KDM4C: variants seen among roughly 807,000 people sequenced by gnomAD.
The protein encoded by KDM4C is lysine-specific demethylase 4C.
A neutral mutation model predicts 129.3 loss-of-function variants in KDM4C; 81 were observed. That is an observed-to-expected ratio of 0.63 (90% CI 0.52 to 0.75). KDM4C has a LOEUF of 0.75. Among genes scored for constraint, KDM4C ranks in the 30% least tolerant of loss-of-function variants. KDM4C has a pLI of 0.00. For synonymous variants in KDM4C, 573 were observed against 456.1 expected (o/e 1.26, Z -3.26); for missense variants, 1,457 against 1,304.0 (o/e 1.12, Z -1.81).
At chr9:6,947,529 A>G (rs1827196876) in intron 8 of KDM4C, among the ~76,000 whole-genome samples, 1 of 151,994 alleles carries the variant, frequency 6.6e-6, no homozygotes, top group South Asian at 2.1e-4. Flanking sequence ...TGTATATTAC[A>G]ATGTTATAGT....
At chr9:6,891,624 A>G (rs935495102) in intron 7 of KDM4C, among the ~76,000 whole-genome samples, 1 of 152,208 alleles carries the variant, frequency 6.6e-6, no homozygotes, top group Non-Finnish European at 1.5e-5. Flanking sequence ...AAAACCAACA[A>G]ATTGTACACT....
chr9:6,938,095 G>C (rs1825154970), intron 8 of KDM4C, among the ~76,000 whole-genome samples: 1 of 152,218 alleles, frequency 6.6e-6, no homozygotes, highest in South Asian at 2.1e-4. Flanking sequence ...AAATGGGACA[G>C]AATAATTTAG....
chr9:6,752,840 A>ATTTT (rs2130311162), upstream of KDM4C, among the ~76,000 whole-genome samples: 1 of 152,310 alleles, frequency 6.6e-6, no homozygotes, highest in East Asian at 1.9e-4. Context: ...TAGCAATAAA[A>ATTTT]TATCTGTGTT....
chr9:6,963,645 T>A (rs1173912476), intron 8 of KDM4C, among the ~76,000 whole-genome samples: 1 of 152,208 alleles, frequency 6.6e-6, no homozygotes, highest in Admixed American at 6.5e-5. Context: ...GACATCTGAG[T>A]TGATACTGAT....
chr9:7,060,569 C>T (rs1000856014), intron 17 of KDM4C, among the ~76,000 whole-genome samples: 2 of 151,592 alleles, frequency 1.3e-5, no homozygotes, highest in African/African-American at 4.8e-5. Flanking sequence ...GCAACCTCCG[C>T]GTCCCGGGTT....
chr9:6,773,302 A>T (rs1244843049), intron 1 of KDM4C, among the ~76,000 whole-genome samples: 1 of 152,214 alleles, frequency 6.6e-6, no homozygotes, highest in Non-Finnish European at 1.5e-5. Context: ...CACAATGTGC[A>T]AATGCTACCA....
intron 15 of KDM4C, among the ~76,000 whole-genome samples, chr9:7,028,176 A>T (rs1162729365): frequency 6.6e-6 from 1 of 151,936 alleles, no homozygotes; most frequent in East Asian, 1.9e-4. Context: ...TGTGGCCACC[A>T]TTACCTAGGA....
At chr9:6,880,794 C>A (rs1187322516) in intron 6 of KDM4C, among the ~76,000 whole-genome samples, 1 of 152,066 alleles carries the variant, frequency 6.6e-6, no homozygotes, top group African/African-American at 2.4e-5. Context: ...CTCCTTCCTC[C>A]TTTTTTTTAA....
intron 20 of KDM4C, among the ~76,000 whole-genome samples, chr9:7,169,502 A>G (rs1480495637): frequency 1.3e-5 from 2 of 151,516 alleles, no homozygotes; most frequent in Admixed American, 6.6e-5. Flanking sequence ...TGCCTGGCTA[A>G]TTTTTGTATT....
intron 12 of KDM4C, among the ~76,000 whole-genome samples, chr9:7,003,522 T>C (rs565294997): frequency 6.6e-6 from 1 of 152,152 alleles, no homozygotes; most frequent in South Asian, 2.1e-4. Flanking sequence ...TTGGAATGTA[T>C]CCTTCTGAAA....
At chr9:7,099,024 C>T (rs1208925042) in intron 17 of KDM4C, among the ~76,000 whole-genome samples, 1 of 152,198 alleles carries the variant, frequency 6.6e-6, no homozygotes, top group Admixed American at 6.5e-5. Context: ...ACATTGTTCC[C>T]TGTTTGAGCT....
intron 15 of KDM4C, 58 bp from the exon 16 acceptor site, chr9:7,046,804 G>C: frequency 9.1e-7 from 1 of 1,097,594 alleles, no homozygotes; most frequent in Non-Finnish European, 1.4e-6. Context: ...TTAGATGAAT[G>C]GTAATGACTT....
chr9:7,019,447 A>T (rs1218140506), intron 15 of KDM4C, among the ~76,000 whole-genome samples: 3 of 114,250 alleles, frequency 2.6e-5, no homozygotes, highest in South Asian at 3.5e-4. Flanking sequence ...AATTCCCTGG[A>T]ATTTTTTTTT....
chr9:7,022,937 GATGTATCACA>G (rs1825138046), intron 15 of KDM4C, among the ~76,000 whole-genome samples: 2 of 152,086 alleles, frequency 1.3e-5, no homozygotes, highest in African/African-American at 4.8e-5. Context: ...CTAATGATAT[GATGTATCACA>G]TTGATTGATT....
Position 6,918,693 on chromosome 9 carries a change from T to C in KDM4C, c.921+25461T>C, listed in dbSNP as rs569130410. Among the ~76,000 whole-genome samples, 280 of 152,296 alleles carry C rather than the reference T, an allele frequency of 1.8e-3. 1 individual carries two copies. The highest frequency in any genetic ancestry group is 3.1e-3 in the Non-Finnish European group (213 of 68,018). ...TCACTAGCATGTATTATTTTTTGAC[T>C]TTTTAGTAATAATAGGAATTCTGAC... On this transcript the variant is annotated intron_variant, in intron 8 of 21. Coordinates refer to ENST00000381309, the MANE Select transcript of KDM4C (RefSeq NM_015061.6).
intron 5 of KDM4C, among the ~76,000 whole-genome samples, chr9:6,865,163 C>T (rs1327784699): frequency 6.6e-6 from 1 of 152,074 alleles, no homozygotes; most frequent in Admixed American, 6.5e-5. Context: ...TGCCCGCCAC[C>T]ACACCTGGCT....
intron 5 of KDM4C, among the ~76,000 whole-genome samples, chr9:6,868,507 C>A (rs1440935155): frequency 6.6e-6 from 1 of 152,120 alleles, no homozygotes; most frequent in Non-Finnish European, 1.5e-5. Context: ...TGGCTGCTCA[C>A]GTCCCTGATA....
At chr9:6,920,433 G>T (rs1821282581) in intron 8 of KDM4C, among the ~76,000 whole-genome samples, 1 of 152,034 alleles carries the variant, frequency 6.6e-6, no homozygotes, top group South Asian at 2.1e-4. Flanking sequence ...CTTGGTGGTG[G>T]GCACCTGTAA....
chr9:6,928,239 C>T (rs754677010), intron 8 of KDM4C, among the ~76,000 whole-genome samples: 2 of 152,172 alleles, frequency 1.3e-5, no homozygotes, highest in Non-Finnish European at 1.5e-5. Context: ...GCTTTCCAGC[C>T]GTTATTTCAC....
Sources: allele counts gnomAD v4.1 joint callset (sites outside exome capture counted in the v4.1 genomes callset), GRCh38; gene constraint gnomAD v4.1.1; transcripts MANE v1.5; gene names NCBI Gene and HGNC (gene_info 2026-07-23, HGNC 2026-07-21).